SCPPPQ1: variants seen among roughly 807,000 people sequenced by gnomAD.
SCPPPQ1 encodes secretory calcium-binding phosphoprotein proline- and glutamine-rich 1.
the SCPPPQ1 span, among the ~76,000 whole-genome samples, chr4:87,462,945 G>C: frequency 6.9e-6 from 1 of 144,190 alleles, no homozygotes; most frequent in Non-Finnish European, 1.5e-5. Flanking sequence ...GTTGCAGTGA[G>C]CCGAGATCAC....
chr4:87,464,393 G>GA, the SCPPPQ1 span, among the ~76,000 whole-genome samples: 1 of 151,644 alleles, frequency 6.6e-6, no homozygotes, highest in Non-Finnish European at 1.5e-5. Flanking sequence ...CCTATCTCTG[G>GA]AAACATGTAG....
chr4:87,464,213 A>T, the SCPPPQ1 span, among the ~76,000 whole-genome samples: 1 of 152,206 alleles, frequency 6.6e-6, no homozygotes, highest in South Asian at 2.1e-4. Flanking sequence ...CCTAGAATAA[A>T]GGAAACAGTC....
At chr4:87,465,559 C>CAA in the SCPPPQ1 span, among the ~76,000 whole-genome samples, 258 of 98,264 alleles carry the variant, frequency 2.6e-3, 4 homozygotes, top group African/African-American at 8.5e-3. Flanking sequence ...TAGAAATCTA[C>CAA]AAAAAAAAAA....
At chr4:87,465,906 G>C in the SCPPPQ1 span, among the ~76,000 whole-genome samples, 20 of 81,874 alleles carry the variant, frequency 2.4e-4, no homozygotes, top group Admixed American at 2.2e-3. Flanking sequence ...TTTCCCTACA[G>C]TAAGTGTTAC....
chr4:87,463,922 C>G, the SCPPPQ1 span, among the ~76,000 whole-genome samples: 1 of 152,192 alleles, frequency 6.6e-6, no homozygotes, highest in African/African-American at 2.4e-5. Flanking sequence ...GCAGCTTGCT[C>G]AAGAAATTGA....
chr4:87,466,826 G>A, the SCPPPQ1 span, among the ~76,000 whole-genome samples: 1 of 152,134 alleles, frequency 6.6e-6, no homozygotes, highest in Non-Finnish European at 1.5e-5. Context: ...AGGAGTTTGA[G>A]ACTAGCCTGG....
the SCPPPQ1 span, among the ~76,000 whole-genome samples, chr4:87,466,600 GTT>G: frequency 6.6e-6 from 1 of 152,152 alleles, no homozygotes; most frequent in African/African-American, 2.4e-5. Flanking sequence ...GAGAAACACA[GTT>G]TGAAATTAAA....
the SCPPPQ1 span, among the ~76,000 whole-genome samples, chr4:87,465,686 A>G: frequency 6.6e-6 from 1 of 152,096 alleles, no homozygotes; most frequent in Non-Finnish European, 1.5e-5. Flanking sequence ...CCATCCCTAC[A>G]ATATTTACTG....
chr4:87,462,058 A>T, the SCPPPQ1 span: 1 of 152,228 alleles, frequency 6.6e-6, no homozygotes, highest in Non-Finnish European at 1.5e-5. Flanking sequence ...AGATATTTTC[A>T]CCACAATTCC....
the SCPPPQ1 span, chr4:87,462,032 G>C: frequency 1.3e-5 from 2 of 152,140 alleles, no homozygotes; most frequent in Non-Finnish European, 2.9e-5. Context: ...ACAGATTATA[G>C]TTATAATTTA....
At chr4:87,469,369 G>A in the SCPPPQ1 span, among the ~76,000 whole-genome samples, 11 of 152,132 alleles carry the variant, frequency 7.2e-5, no homozygotes, top group Non-Finnish European at 1.5e-4. Context: ...AGGAAACCAT[G>A]GGTTAGTTCA....
chr4:87,468,626 C>G, the SCPPPQ1 span, among the ~76,000 whole-genome samples: 1 of 152,128 alleles, frequency 6.6e-6, no homozygotes, highest in Non-Finnish European at 1.5e-5. Context: ...TTCTTAGATG[C>G]TATCATTGTC....
the SCPPPQ1 span, among the ~76,000 whole-genome samples, chr4:87,470,093 A>G: frequency 6.6e-6 from 1 of 151,848 alleles, no homozygotes; most frequent in Non-Finnish European, 1.5e-5. Context: ...AGCTAGGACT[A>G]CAGGTGTGCA....
At chr4:87,463,318 TAAAA>T in the SCPPPQ1 span, among the ~76,000 whole-genome samples, 1 of 133,338 alleles carries the variant, frequency 7.5e-6, no homozygotes, top group South Asian at 2.3e-4. Context: ...TTCCAAAAGT[TAAAA>T]AAAAAAACAA....
chr4:87,462,188 C>G, the SCPPPQ1 span: 22 of 152,270 alleles, frequency 1.4e-4, no homozygotes, highest in African/African-American at 4.3e-4. Context: ...TAAATTGAAT[C>G]CTTAACTGTT....
At chr4:87,466,383 G>A in the SCPPPQ1 span, among the ~76,000 whole-genome samples, 91 of 151,798 alleles carry the variant, frequency 6.0e-4, no homozygotes, top group South Asian at 2.1e-3. Flanking sequence ...AAACAAAAAC[G>A]AAAACAAAAA....
the SCPPPQ1 span, among the ~76,000 whole-genome samples, chr4:87,465,379 A>G: frequency 6.6e-6 from 1 of 152,124 alleles, no homozygotes; most frequent in African/African-American, 2.4e-5. Context: ...CAAAATATCA[A>G]TAACTAGTGG....
the SCPPPQ1 span, among the ~76,000 whole-genome samples, chr4:87,465,645 C>T: frequency 1.4e-5 from 2 of 146,314 alleles, no homozygotes; most frequent in Non-Finnish European, 3.0e-5. Context: ...TTTATTCATA[C>T]ATTCACTCAT....
At chr4:87,468,697 A>G in the SCPPPQ1 span, among the ~76,000 whole-genome samples, 2 of 152,240 alleles carry the variant, frequency 1.3e-5, no homozygotes, top group South Asian at 2.1e-4. Flanking sequence ...AGCTGCCGTG[A>G]CACTTTATCA....
Sources: gnomAD v4.1 joint callset for allele counts (sites outside exome capture counted in the v4.1 genomes callset) on GRCh38, gnomAD v4.1.1 for gene constraint, MANE v1.5 for transcripts, NCBI Gene and HGNC (gene_info 2026-07-23, HGNC 2026-07-21) for gene names.